SLCO5A1: variants seen among roughly 807,000 people sequenced by gnomAD.
SLCO5A1 encodes solute carrier organic anion transporter family member 5A1.
SLCO5A1 carries 39 observed loss-of-function variants against 65.1 expected under a neutral mutation model. The ratio of observed to expected loss-of-function variants is 0.60; its 90% confidence interval spans 0.46 to 0.78. The LOEUF is 0.78. SLCO5A1 is among the 30% of genes least tolerant of loss of function. The pLI is 0.00. For missense variants in SLCO5A1, 1,029 were observed against 1,069.4 expected, an observed-to-expected ratio of 0.96 and a Z score of 0.53; for synonymous variants, 438 against 415.7, an observed-to-expected ratio of 1.05 and a Z score of -0.65.
chr8:69,720,598 C>G (rs1009238159), intron 5 of SLCO5A1, among the ~76,000 whole-genome samples: 1 of 152,210 alleles, frequency 6.6e-6, no homozygotes, highest in African/African-American at 2.4e-5. Context: ...TTAATAGGCA[C>G]AACTCAAGTT....
intron 4 of SLCO5A1, among the ~76,000 whole-genome samples, chr8:69,751,729 T>C (rs906076487): frequency 2.6e-5 from 4 of 152,030 alleles, no homozygotes; most frequent in African/African-American, 9.7e-5. Flanking sequence ...TTATTTTAAG[T>C]AGAGACTCGG....
At chr8:69,827,524 A>G (rs1014950146) in intron 2 of SLCO5A1, among the ~76,000 whole-genome samples, 2 of 152,186 alleles carry the variant, frequency 1.3e-5, no homozygotes, top group Non-Finnish European at 2.9e-5. Context: ...AGATTAAGAT[A>G]TACAATTACA....
rs1813286176 is a variant in SLCO5A1, at chr8:69,670,064, A to AT, written c.*2804dup. On this transcript the variant is annotated 3_prime_UTR_variant, in exon 10 of 10. Coordinates refer to ENST00000260126, the MANE Select transcript of SLCO5A1 (RefSeq NM_030958.3). ...TAATGCTAATGAAAATAACCAAAGA[A>AT]TGCGCTCCAACCACCCATCTTACCT... 6.6e-6 allele frequency: 1 copy of AT among 152,220 alleles called. No individual in the cohort carries two copies. The allele number at this position is 152,220 out of a possible 1,614,324, so 9.4% of individuals were successfully genotyped here. A position where few individuals can be genotyped will look rare whatever the true frequency, so the allele number is the denominator to read the frequency against.
chr8:69,778,258 TGTGC>T (rs1239382536), intron 2 of SLCO5A1, among the ~76,000 whole-genome samples: 1 of 150,884 alleles, frequency 6.6e-6, no homozygotes, highest in Non-Finnish European at 1.5e-5. Flanking sequence ...TGTGTGTGTG[TGTGC>T]ATATATGTGT....
chr8:69,681,323 G>A (rs1813752225), intron 7 of SLCO5A1, among the ~76,000 whole-genome samples: 1 of 152,216 alleles, frequency 6.6e-6, no homozygotes, highest in South Asian at 2.1e-4. Flanking sequence ...GCCGGGCACA[G>A]TGGCTCACAC....
intron 2 of SLCO5A1, among the ~76,000 whole-genome samples, chr8:69,825,792 A>G (rs1272715486): frequency 1.3e-5 from 2 of 152,172 alleles, no homozygotes; most frequent in African/African-American, 2.4e-5. Flanking sequence ...TAAAGTTCAT[A>G]TGGAACCAAA....
intron 2 of SLCO5A1, among the ~76,000 whole-genome samples, chr8:69,805,424 A>G (rs1447401093): frequency 2.0e-5 from 3 of 152,156 alleles, no homozygotes; most frequent in Non-Finnish European, 4.4e-5. Flanking sequence ...TGATCCCAAG[A>G]TAAGAGCTAC....
intron 9 of SLCO5A1, among the ~76,000 whole-genome samples, chr8:69,674,418 T>G (rs1813464696): frequency 6.6e-6 from 1 of 152,144 alleles, no homozygotes; most frequent in Non-Finnish European, 1.5e-5. Flanking sequence ...AGTGATACGT[T>G]TTAAATAAGT....
chr8:69,704,875 G>A, intron 6 of SLCO5A1, 156 bp downstream of exon 6: 1 of 683,612 alleles, frequency 1.5e-6, no homozygotes, highest in Non-Finnish European at 2.5e-6. Flanking sequence ...TGCCCTGCAG[G>A]AGTGCATGCT....
At chr8:69,743,133 G>GGT (rs1286525779) in intron 4 of SLCO5A1, among the ~76,000 whole-genome samples, 2 of 152,108 alleles carry the variant, frequency 1.3e-5, no homozygotes, top group Non-Finnish European at 2.9e-5. Flanking sequence ...GATAAGGGAT[G>GGT]GTGTTTAGGA....
At chr8:69,812,622 A>C (rs983667269) in intron 2 of SLCO5A1, among the ~76,000 whole-genome samples, 2 of 152,246 alleles carry the variant, frequency 1.3e-5, no homozygotes, top group Non-Finnish European at 2.9e-5. Context: ...AAAAGGAAAG[A>C]AAGTGTGTAC....
At chr8:69,736,278 C>G (rs535997650) in intron 5 of SLCO5A1, among the ~76,000 whole-genome samples, 1 of 152,334 alleles carries the variant, frequency 6.6e-6, no homozygotes, top group East Asian at 1.9e-4. Context: ...CCAACTGAAC[C>G]CTTTATTCTG....
chr8:69,723,297 G>A (rs191799782), intron 5 of SLCO5A1, among the ~76,000 whole-genome samples: 2 of 152,054 alleles, frequency 1.3e-5, no homozygotes, highest in African/African-American at 4.8e-5. Flanking sequence ...TGTCACCGAG[G>A]CTGGAGTGCA....
At chr8:69,678,969 T>C (rs767744690) in intron 8 of SLCO5A1, among the ~76,000 whole-genome samples, 17 of 152,332 alleles carry the variant, frequency 1.1e-4, no homozygotes, top group Non-Finnish European at 1.9e-4. Context: ...TTGAAGATAA[T>C]AGCCTTTGCT....
Position 69,738,111 on chromosome 8 carries a change from A to C in SLCO5A1, c.1352T>G (p.Phe451Cys), listed in dbSNP as rs768680308. The C allele has an allele frequency of 6.2e-7, 1 of 1,614,028 alleles. No individual in the cohort carries two copies. The highest frequency in any genetic ancestry group is 8.5e-7 in the Non-Finnish European group (1 of 1,179,914). Reference protein sequence around the residue: ...YTAESAIVTAFITFIPKFIES... With the variant: ...YTAESAIVTACITFIPKFIES... ...GATGAACTTGGGAATGAAGGTAATGAAAGCAGTTACAATGGCACTCTCAGC... is the reference window on the plus strand; with the variant it reads ...GATGAACTTGGGAATGAAGGTAATGCAAGCAGTTACAATGGCACTCTCAGC... Residue 451 changes from phenylalanine (F) to cysteine (C), a missense_variant, in exon 5 of 10, where the codon TTC becomes TGC. Transcript: ENST00000260126.
intron 4 of SLCO5A1, among the ~76,000 whole-genome samples, chr8:69,747,253 T>A (rs1181963578): frequency 6.6e-6 from 1 of 152,148 alleles, no homozygotes; most frequent in African/African-American, 2.4e-5. Context: ...TCTCTATAAG[T>A]TAAAATCCCA....
At chr8:69,793,603 AC>A (rs1819362359) in intron 2 of SLCO5A1, among the ~76,000 whole-genome samples, 1 of 151,730 alleles carries the variant, frequency 6.6e-6, no homozygotes. Flanking sequence ...ACATGGCAAA[AC>A]CCCTCTCTAC....
In SLCO5A1 at chr8:69,832,565, T is replaced by C; in HGVS notation, c.109A>G (p.Ser37Gly). The C allele has an allele frequency of 6.2e-7, 1 of 1,612,612 alleles. No individual in the cohort carries two copies. The highest frequency in any genetic ancestry group is 8.5e-7 in the Non-Finnish European group (1 of 1,179,394). The change falls in exon 2 of 10, where the codon AGT becomes GGT. Residue 37 changes from serine to glycine, a missense_variant. Transcript: ENST00000260126. This position sits in a 1 kb window ranked among gnomAD's most constrained non-coding sequence, Gnocchi z 4.5. ...RCEPETLRSK[S>G]LPVLSSASCR... Reference sequence around the variant, plus strand: ...GAGGCGCTGCTGAGGACCGGTAAACTCTTAGACCTGAGGGTCTCCGGCTCG... The same window carrying C: ...GAGGCGCTGCTGAGGACCGGTAAACCCTTAGACCTGAGGGTCTCCGGCTCG...
intron 7 of SLCO5A1, 151 bp from the exon 8 acceptor site, chr8:69,679,770 G>T: frequency 5.4e-6 from 6 of 1,115,434 alleles, no homozygotes; most frequent in South Asian, 1.6e-5. Flanking sequence ...TTCCTCATTG[G>T]TAACAGTAAG....
Sources: gnomAD v4.1 joint callset for allele counts (sites outside exome capture counted in the v4.1 genomes callset) on GRCh38, gnomAD v4.1.1 for gene constraint, Gnocchi (gnomAD v3.1) non-coding constraint, MANE v1.5 for transcripts, NCBI Gene and HGNC (gene_info 2026-07-23, HGNC 2026-07-21) for gene names.